The following BMAL1 variants were observed in gnomAD, a reference collection of about 807,000 sequenced individuals.
BMAL1 encodes basic helix-loop-helix ARNT like 1, also known as basic helix-loop-helix ARNT-like protein 1.
At chr11:13,303,376 T>C in the BMAL1 span, among the ~76,000 whole-genome samples, 4 of 152,180 alleles carry the variant, frequency 2.6e-5, no homozygotes, top group Non-Finnish European at 1.5e-5. Flanking sequence ...ATATAATAAA[T>C]GACATATACA....
At chr11:13,315,384 C>T in the BMAL1 span, among the ~76,000 whole-genome samples, 1 of 152,232 alleles carries the variant, frequency 6.6e-6, no homozygotes, top group Non-Finnish European at 1.5e-5. Context: ...CATTCCCATG[C>T]CAGCATCTAG....
the BMAL1 span, among the ~76,000 whole-genome samples, chr11:13,296,883 T>G: frequency 5.3e-5 from 8 of 152,332 alleles, no homozygotes; most frequent in South Asian, 1.7e-3. Flanking sequence ...CATCTTGCGC[T>G]CGTGGCTCTG....
chr11:13,355,235 C>T, the BMAL1 span: 7 of 1,613,222 alleles, frequency 4.3e-6, no homozygotes, highest in Non-Finnish European at 5.9e-6. Context: ...GTTCACAGGT[C>T]GAATTTGGGG....
At chr11:13,367,408 A>C in the BMAL1 span, among the ~76,000 whole-genome samples, 7 of 152,144 alleles carry the variant, frequency 4.6e-5, no homozygotes, top group Non-Finnish European at 8.8e-5. Context: ...GAATGAGAGA[A>C]TGAGGACTCT....
At chr11:13,337,882 G>C in the BMAL1 span, among the ~76,000 whole-genome samples, 1 of 152,126 alleles carries the variant, frequency 6.6e-6, no homozygotes, top group African/African-American at 2.4e-5. Flanking sequence ...AGCTGGGTTT[G>C]AACCCTGGCT....
the BMAL1 span, among the ~76,000 whole-genome samples, chr11:13,293,260 A>G: frequency 6.6e-6 from 1 of 152,230 alleles, no homozygotes; most frequent in Non-Finnish European, 1.5e-5. Context: ...TTGTCAGTAA[A>G]AGGAAATTCA....
chr11:13,355,916 G>A, the BMAL1 span, among the ~76,000 whole-genome samples: 2 of 152,154 alleles, frequency 1.3e-5, no homozygotes, highest in Non-Finnish European at 2.9e-5. Context: ...TTTCCTGTGG[G>A]ATAAAGGAAA....
At chr11:13,304,148 G>A in the BMAL1 span, among the ~76,000 whole-genome samples, 72,148 of 151,848 alleles carry the variant, frequency 0.48, 18,796 homozygotes, top group Non-Finnish European at 0.59. Context: ...TCTGAGGCAC[G>A]TCTCACAGGG....
the BMAL1 span, chr11:13,376,736 T>C: frequency 2.5e-6 from 4 of 1,612,846 alleles, no homozygotes; most frequent in South Asian, 1.1e-5. Context: ...AAGGTAACTA[T>C]GTGCTGCTGG....
At chr11:13,300,615 A>G in the BMAL1 span, among the ~76,000 whole-genome samples, 93 of 152,348 alleles carry the variant, frequency 6.1e-4, 1 homozygote, top group Admixed American at 4.5e-3. Flanking sequence ...GTATTCCTGC[A>G]TCTGATGAAA....
chr11:13,293,083 A>C, the BMAL1 span, among the ~76,000 whole-genome samples: 11 of 152,176 alleles, frequency 7.2e-5, no homozygotes, highest in Non-Finnish European at 1.3e-4. Context: ...AGCTGTTGTC[A>C]GTAGAGTTGG....
chr11:13,280,034 A>G, the BMAL1 span, among the ~76,000 whole-genome samples: 1 of 152,214 alleles, frequency 6.6e-6, no homozygotes, highest in African/African-American at 2.4e-5. Context: ...GATGGAAAGT[A>G]AGACGGTTGA....
At chr11:13,332,074 C>G in the BMAL1 span, among the ~76,000 whole-genome samples, 1 of 152,106 alleles carries the variant, frequency 6.6e-6, no homozygotes, top group East Asian at 1.9e-4. Flanking sequence ...GACAACCAAC[C>G]AGAGAGTAAA....
At chr11:13,349,818 C>G in the BMAL1 span, 3 of 152,124 alleles carry the variant, frequency 2.0e-5, no homozygotes, top group Non-Finnish European at 2.9e-5. Context: ...GCTCGCCCAG[C>G]CTTCCTCCCT....
chr11:13,385,642 C>T, the BMAL1 span: 23 of 1,450,670 alleles, frequency 1.6e-5, no homozygotes, highest in African/African-American at 2.7e-4. Context: ...TTTGGCATTG[C>T]TCATAATACT....
At chr11:13,298,576 A>C in the BMAL1 span, among the ~76,000 whole-genome samples, 2 of 152,092 alleles carry the variant, frequency 1.3e-5, no homozygotes. Context: ...GGCAGGCACC[A>C]GTGTTAATTT....
At chr11:13,286,401 G>A in the BMAL1 span, among the ~76,000 whole-genome samples, 1 of 152,230 alleles carries the variant, frequency 6.6e-6, no homozygotes, top group East Asian at 1.9e-4. Flanking sequence ...GGAGCTGGGA[G>A]AGGCCTGGGC....
chr11:13,283,817 TGG>T, the BMAL1 span, among the ~76,000 whole-genome samples: 1 of 152,220 alleles, frequency 6.6e-6, no homozygotes, highest in South Asian at 2.1e-4. Flanking sequence ...CTGTTATGCA[TGG>T]CTGTCTCTCT....
At chr11:13,354,373 A>G in the BMAL1 span, 1 of 1,614,162 alleles carries the variant, frequency 6.2e-7, no homozygotes, top group Non-Finnish European at 8.5e-7. Flanking sequence ...GGCCCCACCG[A>G]CCTGCTTTCC....
Sources: allele counts gnomAD v4.1 joint callset (sites outside exome capture counted in the v4.1 genomes callset), GRCh38; gene constraint gnomAD v4.1.1; transcripts MANE v1.5; gene names NCBI Gene and HGNC (gene_info 2026-07-23, HGNC 2026-07-21).